The following ZNF786 variants were observed in gnomAD, a reference collection of about 807,000 sequenced individuals.
The protein encoded by ZNF786 is zinc finger protein 786.
Under a neutral mutation model 63.1 loss-of-function variants are expected in ZNF786, and 56 were observed. The ratio of observed to expected loss-of-function variants is 0.89; its 90% CI spans 0.72 to 1.11. ZNF786 has a LOEUF of 1.11. Ranked by LOEUF, ZNF786 falls within the 50% of genes least tolerant of loss-of-function variation. ZNF786 has a pLI of 0.00. For missense variants in ZNF786, 1,213 were observed against 1,041.8 expected (o/e 1.16, Z -2.26); for synonymous variants, 485 against 406.9 (o/e 1.19, Z -2.31).
chr7:149,075,853 G>C (rs957878412), intron 2 of ZNF786, among the ~76,000 whole-genome samples: 2 of 151,646 alleles, frequency 1.3e-5, no homozygotes, highest in Non-Finnish European at 2.9e-5. Flanking sequence ...TGTAGAGAGA[G>C]GGTCTCCCTA....
chr7:149,077,907 G>C (rs1460954703), intron 2 of ZNF786, among the ~76,000 whole-genome samples: 1 of 149,176 alleles, frequency 6.7e-6, no homozygotes, highest in East Asian at 2.0e-4. Context: ...CTGTTGCCCA[G>C]GTTGGAGTGC....
chr7:149,071,907 G>T lies in ZNF786; in HGVS notation c.865C>A (p.Pro289Thr). 6.2e-7 allele frequency: 1 copy of T among 1,605,318 alleles called. No homozygotes were observed. Among genetic ancestry groups the T allele is most frequent in the Non-Finnish European group, 8.5e-7 (1 of 1,176,746 alleles). The change falls in exon 4 of 4, where the codon CCG becomes ACG. Residue 289 changes from proline to threonine, a missense_variant. Coordinates refer to ENST00000491431, the MANE Select transcript of ZNF786 (RefSeq NM_152411.4). Reference sequence around the variant, plus strand: ...TGGGCAGGCTTCTCCCCCTGCTGCGGGAGGCGGTGGCTGGGATGGGTCAGC... The same window carrying T: ...TGGGCAGGCTTCTCCCCCTGCTGCGTGAGGCGGTGGCTGGGATGGGTCAGC... ...HELTHPSHRL[P>T]QQGEKPAQCT...
Position 149,086,718 on chromosome 7 carries a change from A to T in ZNF786, c.18+3905T>A, listed in dbSNP as rs1328416185. Among the ~76,000 whole-genome samples the T allele has an allele frequency of 2.0e-5, 3 of 151,548 alleles. No homozygotes were observed. In the Admixed American group the frequency reaches 2.0e-4, roughly 10 times the overall value. On this transcript the variant is annotated intron_variant, in intron 1 of 3. Transcript: ENST00000491431. ...AAGAAGAAGCAAGACAGAAGGGGGGATGTCAGGCTCTTTTTAACCAGCTCC... is the reference window on the plus strand; with the variant it reads ...AAGAAGAAGCAAGACAGAAGGGGGGTTGTCAGGCTCTTTTTAACCAGCTCC...
intron 3 of ZNF786, among the ~76,000 whole-genome samples, 197 bp downstream of exon 3, chr7:149,074,189 C>G (rs1825499636): frequency 6.6e-6 from 1 of 151,976 alleles, no homozygotes. Flanking sequence ...ATAACTTGCC[C>G]AAGGTCACCA....
intron 1 of ZNF786, chr7:149,082,393 G>T: frequency 4.2e-6 from 1 of 237,828 alleles, no homozygotes; most frequent in Non-Finnish European, 6.8e-6. Context: ...TAATATTTGT[G>T]TTTATTACAG....
At chr7:149,080,740 T>C in intron 1 of ZNF786, 23 bp from the exon 2 acceptor site, 1 of 1,581,138 alleles carries the variant, frequency 6.3e-7, no homozygotes, top group Non-Finnish European at 8.6e-7. Context: ...ACATAAGACA[T>C]ATGCATTCAT....
Position 149,071,216 on chromosome 7 carries a change from G to A in ZNF786, c.1556C>T (p.Thr519Ile). The A allele has an allele frequency of 6.2e-7, 1 of 1,610,968 alleles. No homozygotes were observed. Among genetic ancestry groups the A allele is most frequent in the Non-Finnish European group, 8.5e-7 (1 of 1,178,030 alleles). Residue 519 changes from threonine to isoleucine, a missense_variant, in exon 4 of 4, where the codon ACC becomes ATC. Thr to Ile is a moderately conservative substitution (Grantham distance 89). Transcript: ENST00000491431. Reference sequence around the variant, plus strand: ...GTGCTCACGGAGCTTGCACTGGTGGGTGAAGCCTCTGCCACACTCGCTACA... The same window carrying A: ...GTGCTCACGGAGCTTGCACTGGTGGATGAAGCCTCTGCCACACTCGCTACA... ...FSCSECGRGF[T>I]HQCKLREHLR...
chr7:149,077,489 G>T (rs1008290319), intron 2 of ZNF786, among the ~76,000 whole-genome samples: 1 of 152,086 alleles, frequency 6.6e-6, no homozygotes. Flanking sequence ...TTAGCCAGGC[G>T]TGGTGGCGGG....
At chr7:149,081,463 A>T (rs1275522676) in intron 1 of ZNF786, among the ~76,000 whole-genome samples, 1 of 146,042 alleles carries the variant, frequency 6.8e-6, no homozygotes, top group Non-Finnish European at 1.5e-5. Flanking sequence ...AAAAAAAAAA[A>T]GTGTTCTCAT....
chr7:149,073,747 G>GTGTATGTA (rs1447329296), intron 3 of ZNF786, among the ~76,000 whole-genome samples: 9 of 77,560 alleles, frequency 1.2e-4, no homozygotes, highest in African/African-American at 3.7e-4. Context: ...GTGTGTGTGT[G>GTGTATGTA]TATATATATA....
intron 2 of ZNF786, among the ~76,000 whole-genome samples, chr7:149,078,025 G>A (rs1331509024): frequency 6.6e-6 from 1 of 151,656 alleles, no homozygotes; most frequent in Non-Finnish European, 1.5e-5. Flanking sequence ...ACCACACCCA[G>A]CTAATTTTTG....
chr7:149,085,108 G>C (rs1825713601), intron 1 of ZNF786, among the ~76,000 whole-genome samples: 1 of 152,124 alleles, frequency 6.6e-6, no homozygotes, highest in Non-Finnish European at 1.5e-5. Context: ...TTGTAGGTAT[G>C]TGGCGTTATT....
rs1166036319 is a variant in ZNF786, at chr7:149,090,654, C to A, written c.-14G>T. 2.5e-6 allele frequency: 4 copies of A among 1,583,480 alleles called. 1 individual carries two copies. Among genetic ancestry groups the A allele is most frequent in the Non-Finnish European group, 3.4e-6 (4 of 1,163,906 alleles). ...CGGCTCCGCCATGGTCCCCGCGGTC[C>A]CGCCCGGCCCTGGCAAACCCGACCG... is the stretch of plus-strand genomic sequence containing the variant. On this transcript the variant is annotated 5_prime_UTR_variant, in exon 1 of 4. Coordinates refer to ENST00000491431, the MANE Select transcript of ZNF786 (RefSeq NM_152411.4).
chr7:149,077,740 C>G, intron 2 of ZNF786, among the ~76,000 whole-genome samples: 1 of 152,122 alleles, frequency 6.6e-6, no homozygotes, highest in East Asian at 1.9e-4. Context: ...GATCACTTGA[C>G]CTCAAGAATT....
In ZNF786 at chr7:149,090,642, G is replaced by T. The variant is rs756629857; in HGVS notation, c.-2C>A. 1 of 1,587,946 alleles carries T rather than the reference G, an allele frequency of 6.3e-7. No individual in the cohort carries two copies. Among genetic ancestry groups the T allele is most frequent in the Non-Finnish European group, 8.6e-7 (1 of 1,166,306 alleles). On this transcript the variant is annotated 5_prime_UTR_variant, in exon 1 of 4. Transcript: ENST00000491431. The stretch of plus-strand genomic sequence containing the variant: ...GCTTACCCGAGGCGGCTCCGCCATG[G>T]TCCCCGCGGTCCCGCCCGGCCCTGG...
At position 149,070,282 on chromosome 7, in the gene ZNF786, A is replaced by C; in HGVS notation, c.*141T>G. ...AAGAGAAAATCCTTTGTGGTTCTTC[A>C]TATTCCTAACTTGCATGACACTCTT... On this transcript the variant is annotated 3_prime_UTR_variant, in exon 4 of 4. Transcript: ENST00000491431. 3 of 1,065,590 alleles carry C rather than the reference A, an allele frequency of 2.8e-6. No individual in the cohort carries two copies. The highest frequency in any genetic ancestry group is 4.1e-6 in the Non-Finnish European group (3 of 737,398). 66.0% of individuals were successfully genotyped at this position (1,065,590 alleles called of 1,614,324 possible). A position where few individuals can be genotyped will look rare whatever the true frequency, so the allele number is the denominator to read the frequency against.
chr7:149,076,455 G>A (rs770159638), intron 2 of ZNF786, among the ~76,000 whole-genome samples: 69 of 148,954 alleles, frequency 4.6e-4, no homozygotes, highest in Non-Finnish European at 8.2e-4. Flanking sequence ...CAGGCCGGGC[G>A]CAGTGGCTCA....
intron 2 of ZNF786, among the ~76,000 whole-genome samples, chr7:149,078,277 A>G (rs1391826164): frequency 1.3e-5 from 2 of 152,204 alleles, no homozygotes; most frequent in Admixed American, 6.5e-5. Context: ...ATAGAATTAT[A>G]TTTTTGCCTC....
chr7:149,077,334 A>G (rs1367035182), intron 2 of ZNF786, among the ~76,000 whole-genome samples: 1 of 152,202 alleles, frequency 6.6e-6, no homozygotes. Flanking sequence ...CTATTAGATT[A>G]AGAAGATGGG....
Sources: gnomAD v4.1 joint callset for allele counts (sites outside exome capture counted in the v4.1 genomes callset) on GRCh38, gnomAD v4.1.1 for gene constraint, MANE v1.5 for transcripts, NCBI Gene and HGNC (gene_info 2026-07-23, HGNC 2026-07-21) for gene names.